The following CRNKL1 variants were observed in gnomAD, a reference collection of about 807,000 sequenced individuals.
CRNKL1 encodes crooked neck pre-mRNA splicing factor 1.
In CRNKL1, 35 loss-of-function variants were observed where a neutral mutation model predicts 103.7. That is an observed-to-expected ratio of 0.34 (90% CI 0.26 to 0.45). The LOEUF (loss-of-function observed/expected upper bound fraction) is 0.45. CRNKL1 is among the 20% of genes least tolerant of loss of function. CRNKL1 has a pLI of 1.00. For missense variants in CRNKL1, 645 were observed against 836.0 expected (o/e 0.77, Z 2.82); for synonymous variants, 267 against 282.6 (o/e 0.94, Z 0.55).
chr20:20,049,613 T>C (rs2146503548), intron 2 of CRNKL1, among the ~76,000 whole-genome samples, 182 bp from the exon 3 acceptor site: 1 of 152,364 alleles, frequency 6.6e-6, no homozygotes, highest in Non-Finnish European at 1.5e-5. Context: ...AACTAACTGA[T>C]ACTTTAAAAT....
chr20:20,041,284 G>A (rs938530345), intron 9 of CRNKL1, among the ~76,000 whole-genome samples: 6 of 152,226 alleles, frequency 3.9e-5, no homozygotes, highest in African/African-American at 1.2e-4. Context: ...CCCCGCACAC[G>A]TTGTGTGCTC....
intron 6 of CRNKL1, among the ~76,000 whole-genome samples, chr20:20,045,083 C>T (rs1424994868): frequency 6.6e-6 from 1 of 152,114 alleles, no homozygotes; most frequent in Non-Finnish European, 1.5e-5. Flanking sequence ...AATTTTCAAA[C>T]AAAGCACAAT....
rs138732861 is a variant in CRNKL1, at chr20:20,042,273, A to G, written c.1164+52T>C. 5,777 of 1,477,984 alleles carry G rather than the reference A, an allele frequency of 3.9e-3. 30 individuals carry two copies. Among genetic ancestry groups the G allele is most frequent in the Non-Finnish European group, 3.7e-3 (4,116 of 1,097,686 alleles). 91.6% of individuals were successfully genotyped at this position (1,477,984 alleles called of 1,614,324 possible). A position where few individuals can be genotyped will look rare whatever the true frequency, so the allele number is the denominator to read the frequency against. On this transcript the variant is annotated intron_variant, in intron 8 of 13. Transcript: ENST00000536226. ...AACATCCACAATAGGTGAGCTGTGA[A>G]TACAGAAGACAGGAAACCATTATCA...
chr20:20,050,620 C>T lies in CRNKL1; in HGVS notation c.54G>A (p.Val18=), dbSNP rs765063509. 1 of 1,598,680 alleles carries T rather than the reference C, an allele frequency of 6.3e-7. No individual in the cohort carries two copies. Among genetic ancestry groups the T allele is most frequent in the South Asian group, 1.1e-5 (1 of 87,186 alleles). The change falls in exon 2 of 14, where the codon GTG becomes GTA. Residue 18 remains valine (V), a splice_region_variant and synonymous_variant. Transcript: ENST00000536226. ...GKQRIPKVAK[V]KNKAPAEVQI... is the part of the protein sequence containing the mutation. Reference sequence around the variant, plus strand: ...GTACCTCAGCCGGGGCTTTGTTTTTCACCTTTTAAGAAAGAAGACATTTCT... The same window carrying T: ...GTACCTCAGCCGGGGCTTTGTTTTTTACCTTTTAAGAAAGAAGACATTTCT...
At chr20:20,051,601 A>C (rs2146508435) in intron 1 of CRNKL1, among the ~76,000 whole-genome samples, 1 of 152,332 alleles carries the variant, frequency 6.6e-6, no homozygotes, top group East Asian at 1.9e-4. Context: ...CGAGTCAGAC[A>C]AATAGTTATG....
intron 8 of CRNKL1, among the ~76,000 whole-genome samples, chr20:20,041,992 A>T (rs1363813999): frequency 6.6e-6 from 1 of 152,230 alleles, no homozygotes; most frequent in East Asian, 1.9e-4. Flanking sequence ...ATCTAGCCAG[A>T]ATTACTCCTA....
At position 20,042,507 on chromosome 20, in the gene CRNKL1, G is replaced by A; in HGVS notation, c.982C>T (p.His328Tyr). 1 of 1,605,302 alleles carries A rather than the reference G, an allele frequency of 6.2e-7. No homozygotes were observed. Among genetic ancestry groups the A allele is most frequent in the East Asian group, 2.2e-5 (1 of 44,500 alleles). The change falls in exon 8 of 14, where the codon CAC (histidine) becomes TAC (tyrosine). Residue 328 changes from histidine (H) to tyrosine (Y), a missense_variant. Transcript: ENST00000536226. ...QYEEEVKANP[H>Y]NYDAWFDYLR... is the part of the protein sequence containing the mutation. Reference sequence around the variant, plus strand: ...TAATCAAACCATGCATCATAATTGTGTGGATTCGCCTAGAAAGACAACCAG... The same window carrying A: ...TAATCAAACCATGCATCATAATTGTATGGATTCGCCTAGAAAGACAACCAG...
chr20:20,039,344 T>C (rs925826769), intron 11 of CRNKL1, among the ~76,000 whole-genome samples: 5 of 152,182 alleles, frequency 3.3e-5, no homozygotes, highest in African/African-American at 1.2e-4. Flanking sequence ...GCTTTCCTGC[T>C]GCAGAAGGGG....
At chr20:20,039,023 A>T (rs1001409339) in intron 11 of CRNKL1, among the ~76,000 whole-genome samples, 9 of 152,194 alleles carry the variant, frequency 5.9e-5, no homozygotes, top group African/African-American at 1.7e-4. Flanking sequence ...GCCTTAATTA[A>T]TGCAATCAGG....
upstream of CRNKL1, chr20:20,052,540 C>A (rs1201689608): frequency 6.2e-7 from 1 of 1,614,218 alleles, no homozygotes; most frequent in Admixed American, 1.7e-5. Context: ...CCAGGCTGCG[C>A]GTCCTCCTTG....
intron 1 of CRNKL1, among the ~76,000 whole-genome samples, chr20:20,051,610 T>C (rs758600070): frequency 2.2e-4 from 34 of 152,322 alleles, no homozygotes; most frequent in Non-Finnish European, 3.8e-4. Flanking sequence ...CAAATAGTTA[T>C]GTAAAGGTCC....
At position 20,052,461 on chromosome 20, in the gene CRNKL1, G is replaced by T. The variant is rs771112536; in HGVS notation, c.-119C>A. ...CAAACAGGATCTCGGAACCGGAAGC[G>T]GAACTTGCAGGACTGACCTTTGACC... is the stretch of plus-strand genomic sequence containing the variant. On this transcript the variant is annotated 5_prime_UTR_variant, in exon 1 of 14. Transcript: ENST00000536226. The T allele has an allele frequency of 1.1e-5, 17 of 1,614,246 alleles. No individual in the cohort carries two copies. In the Middle Eastern group the frequency reaches 1.3e-3, roughly 125 times the overall value.
chr20:20,047,578 C>T (rs1220257059), intron 5 of CRNKL1, among the ~76,000 whole-genome samples, 187 bp downstream of exon 5: 1 of 151,870 alleles, frequency 6.6e-6, no homozygotes, highest in Non-Finnish European at 1.5e-5. Flanking sequence ...GACTAGTTAC[C>T]CAGAATACAA....
intron 3 of CRNKL1, among the ~76,000 whole-genome samples, chr20:20,048,988 G>A (rs1202784768): frequency 6.6e-6 from 1 of 152,014 alleles, no homozygotes; most frequent in Non-Finnish European, 1.5e-5. Context: ...ACCACAGGAA[G>A]GGCCAGATTG....
At chr20:20,045,607 G>A in intron 5 of CRNKL1, 121 bp from the exon 6 acceptor site, 3 of 811,612 alleles carry the variant, frequency 3.7e-6, no homozygotes, top group Non-Finnish European at 5.7e-6. Context: ...CAACTCTAGG[G>A]GAACAAAACA....
At position 20,036,251 on chromosome 20, in the gene CRNKL1, C is replaced by T; in HGVS notation, c.2008G>A (p.Glu670Lys). ...MAKLWKKQQQ[E>K]KEDAEHHPDE... ...GGATGGTGCTCAGCATCCTCCTTTT[C>T]CTGCTGCTGTTTCTTCCACAGTTTG... Residue 670 changes from glutamate to lysine, a missense_variant, in exon 14 of 14, where the codon GAA becomes AAA. Coordinates refer to ENST00000536226, the MANE Select transcript of CRNKL1 (RefSeq NM_001278628.2). 1 of 1,614,228 alleles carries T rather than the reference C, an allele frequency of 6.2e-7. No individual in the cohort carries two copies. Among genetic ancestry groups the T allele is most frequent in the Non-Finnish European group, 8.5e-7 (1 of 1,180,036 alleles).
At chr20:20,037,600 T>C in intron 12 of CRNKL1, 29 bp from the exon 13 acceptor site, 1 of 1,602,204 alleles carries the variant, frequency 6.2e-7, no homozygotes, top group Non-Finnish European at 8.5e-7. Context: ...TTGAACCAAA[T>C]TAACCATATC....
chr20:20,042,346 G>C lies in CRNKL1; in HGVS notation c.1143C>G (p.Leu381=). ...RYIYLWINYA[L]YEELEAKDPE... is the part of the protein sequence containing the mutation. ...TCACCTTTGCCTCCAATTCTTCATA[G>C]AGTGCATAGTTGATCCAAAGATAAA... The change falls in exon 8 of 14, where the codon CTC becomes CTG. Residue 381 remains leucine (L), a synonymous_variant. Coordinates refer to ENST00000536226, the MANE Select transcript of CRNKL1 (RefSeq NM_001278628.2). The C allele has an allele frequency of 6.3e-7, 1 of 1,593,086 alleles. No homozygotes were observed. The highest frequency in any genetic ancestry group is 8.5e-7 in the Non-Finnish European group (1 of 1,171,388).
rs1254248466 is a variant in CRNKL1 at position 20,050,632 on chromosome 20, A to C, written c.52-10T>G. On this transcript the variant is annotated splice_polypyrimidine_tract_variant and intron_variant, in intron 1 of 13. Transcript: ENST00000536226. ...GGGCTTTGTTTTTCACCTTTTAAGA[A>C]AGAAGACATTTCTATTTTTAGTAGT... 1 of 1,588,608 alleles carries C rather than the reference A, an allele frequency of 6.3e-7. No homozygotes were observed. The highest frequency in any genetic ancestry group is 1.9e-5 in the Admixed American group (1 of 53,280).
Sources: gnomAD v4.1 joint callset for allele counts (sites outside exome capture counted in the v4.1 genomes callset) on GRCh38, gnomAD v4.1.1 for gene constraint, MANE v1.5 for transcripts, NCBI Gene and HGNC (gene_info 2026-07-23, HGNC 2026-07-21) for gene names.